Variants in CCDC178 observed in about 807,000 individuals in gnomAD.
CCDC178 encodes coiled-coil domain containing 178, also known as coiled-coil domain-containing protein 178.
In CCDC178, 126 loss-of-function variants were observed where a neutral mutation model predicts 117.4. The ratio of observed to expected loss-of-function variants is 1.07; its 90% confidence interval spans 0.93 to 1.24. The LOEUF (loss-of-function observed/expected upper bound fraction) is 1.24, where lower values mean the gene tolerates loss of function less well. CCDC178 is among the 50% of genes most tolerant of loss of function. The pLI is 0.00. For synonymous variants in CCDC178, 283 were observed against 313.4 expected (o/e 0.90, Z 1.02); for missense variants, 1,030 against 986.9 (o/e 1.04, Z -0.59).
chr18:33,394,334 T>A (rs569219280), intron 4 of CCDC178, among the ~76,000 whole-genome samples: 1 of 152,082 alleles, frequency 6.6e-6, no homozygotes, highest in South Asian at 2.1e-4. Flanking sequence ...TAATTTTCAT[T>A]TTACACATGA....
At chr18:33,034,649 C>T (rs1416083593) in intron 21 of CCDC178, among the ~76,000 whole-genome samples, 1 of 151,970 alleles carries the variant, frequency 6.6e-6, no homozygotes, top group African/African-American at 2.4e-5. Context: ...TTGGCATGCC[C>T]CTCTGCTCTC....
chr18:33,015,268 A>G (rs1053874793), intron 21 of CCDC178, among the ~76,000 whole-genome samples: 1 of 151,542 alleles, frequency 6.6e-6, no homozygotes, highest in Non-Finnish European at 1.5e-5. Flanking sequence ...AAGAAGAAAA[A>G]AAAAAAAAAG....
intron 22 of CCDC178, among the ~76,000 whole-genome samples, chr18:32,952,869 G>T (rs1415071986): frequency 2.0e-5 from 3 of 151,236 alleles, no homozygotes; most frequent in Non-Finnish European, 4.4e-5. Context: ...CGCCTCCTGG[G>T]TTCAGCCATT....
intron 3 of CCDC178, 73 bp downstream of exon 3, chr18:33,411,957 CT>C: frequency 6.6e-6 from 5 of 757,324 alleles, no homozygotes; most frequent in Non-Finnish European, 1.1e-5. Flanking sequence ...TGCAGTTGCC[CT>C]CCTCTGTAAG....
At chr18:33,136,762 T>C (rs1246637633) in intron 20 of CCDC178, among the ~76,000 whole-genome samples, 1 of 152,246 alleles carries the variant, frequency 6.6e-6, no homozygotes, top group Non-Finnish European at 1.5e-5. Flanking sequence ...CTCAATAATC[T>C]TGAAGACCTA....
chr18:33,438,543 AACACACAC>A (rs139786250), intron 2 of CCDC178, among the ~76,000 whole-genome samples: 1 of 148,392 alleles, frequency 6.7e-6, no homozygotes, highest in Non-Finnish European at 1.5e-5. Context: ...ACACACGGCA[AACACACAC>A]ACACACACAC....
intron 20 of CCDC178, among the ~76,000 whole-genome samples, chr18:33,179,492 T>C (rs2058709661): frequency 6.6e-6 from 1 of 151,984 alleles, no homozygotes; most frequent in South Asian, 2.1e-4. Flanking sequence ...TTGTCTTCTA[T>C]TCTCTGCCAT....
intron 20 of CCDC178, among the ~76,000 whole-genome samples, chr18:33,147,327 G>GCT (rs2058280330): frequency 1.4e-5 from 2 of 145,630 alleles, no homozygotes; most frequent in Admixed American, 6.9e-5. Flanking sequence ...AGAAGAGAGA[G>GCT]AACCTACTCC....
At chr18:33,080,228 A>T (rs559090744) in intron 21 of CCDC178, among the ~76,000 whole-genome samples, 61 of 152,258 alleles carry the variant, frequency 4.0e-4, no homozygotes, top group Middle Eastern at 3.4e-3. Context: ...AATGATGAGA[A>T]CTCGTGGACA....
chr18:32,962,161 C>G (rs190666989), intron 22 of CCDC178, among the ~76,000 whole-genome samples: 26 of 152,046 alleles, frequency 1.7e-4, no homozygotes, highest in Admixed American at 5.2e-4. Flanking sequence ...TTAAGACTTG[C>G]ACCACAAAAT....
At chr18:33,294,848 G>T (rs1242504315) in intron 11 of CCDC178, among the ~76,000 whole-genome samples, 2 of 152,128 alleles carry the variant, frequency 1.3e-5, no homozygotes, top group African/African-American at 4.8e-5. Flanking sequence ...CCACTGTCAT[G>T]CAATTTGGGA....
intron 14 of CCDC178, 112 bp from the exon 15 acceptor site, chr18:33,245,540 G>C: frequency 8.8e-7 from 1 of 1,135,472 alleles, no homozygotes; most frequent in East Asian, 3.0e-5. Context: ...ATACAAAATT[G>C]CTGGATAATT....
At chr18:33,169,909 C>T (rs1442144356) in intron 20 of CCDC178, among the ~76,000 whole-genome samples, 3 of 152,128 alleles carry the variant, frequency 2.0e-5, no homozygotes, top group Non-Finnish European at 4.4e-5. Context: ...ATATTCATCA[C>T]CAGCTTACAT....
chr18:33,373,392 G>A (rs4335838), intron 5 of CCDC178, among the ~76,000 whole-genome samples: 145,081 of 152,158 alleles, frequency 0.95, 69,547 homozygotes, highest in Middle Eastern at 1. Flanking sequence ...TGCCTTGTAT[G>A]CTCACAGGTC....
intron 20 of CCDC178, among the ~76,000 whole-genome samples, chr18:33,130,691 T>C (rs1178578711): frequency 3.3e-5 from 5 of 151,950 alleles, no homozygotes; most frequent in African/African-American, 7.2e-5. Flanking sequence ...ATGGCTGAGA[T>C]TAATGCAAAC....
At chr18:33,069,507 C>A (rs953319077) in intron 21 of CCDC178, among the ~76,000 whole-genome samples, 1 of 152,028 alleles carries the variant, frequency 6.6e-6, no homozygotes, top group Non-Finnish European at 1.5e-5. Context: ...CTGGCTCTCA[C>A]CATAAGCAAA....
intron 21 of CCDC178, among the ~76,000 whole-genome samples, chr18:33,059,568 G>C (rs1451432887): frequency 6.6e-6 from 1 of 152,118 alleles, no homozygotes; most frequent in Non-Finnish European, 1.5e-5. Flanking sequence ...GTGAGTGCCA[G>C]ACTCATTCTT....
At chr18:32,977,286 C>G (rs1253767823) in intron 21 of CCDC178, among the ~76,000 whole-genome samples, 2 of 152,066 alleles carry the variant, frequency 1.3e-5, no homozygotes, top group Non-Finnish European at 2.9e-5. Flanking sequence ...CTCTTTCTCT[C>G]TCTGATATTT....
chr18:33,203,611 C>T (rs990064828), intron 20 of CCDC178, among the ~76,000 whole-genome samples: 2 of 152,174 alleles, frequency 1.3e-5, no homozygotes, highest in Admixed American at 1.3e-4. Context: ...CCAGCAGTCT[C>T]AGTGATTCTT....
Sources: allele counts gnomAD v4.1 joint callset (sites outside exome capture counted in the v4.1 genomes callset), GRCh38; gene constraint gnomAD v4.1.1; transcripts MANE v1.5; gene names NCBI Gene and HGNC (gene_info 2026-07-23, HGNC 2026-07-21).